Variants in CAMK2G observed in about 807,000 individuals in gnomAD.
CAMK2G encodes the protein calcium/calmodulin-dependent protein kinase type II subunit gamma.
CAMK2G carries 23 observed loss-of-function variants against 88.7 expected under a neutral mutation model. The observed-to-expected ratio is 0.26, with a 90% CI of 0.19 to 0.37. CAMK2G has a LOEUF of 0.37. Among genes scored for constraint, CAMK2G ranks in the 10% least tolerant of loss-of-function variants. CAMK2G has a pLI of 1.00. For synonymous variants in CAMK2G, 263 were observed against 294.8 expected (o/e 0.89, Z 1.11); for missense variants, 476 against 780.8 (o/e 0.61, Z 4.65).
At chr10:73,816,908 G>A (rs1251845411) in intron 21 of CAMK2G, 115 bp downstream of exon 21, 1 of 1,610,240 alleles carries the variant, frequency 6.2e-7, no homozygotes, top group South Asian at 1.1e-5. Context: ...TAGGAGTGCA[G>A]CACGAAGGTC....
intron 2 of CAMK2G, among the ~76,000 whole-genome samples, chr10:73,862,592 G>A (rs2095429995): frequency 6.6e-6 from 1 of 152,148 alleles, no homozygotes; most frequent in African/African-American, 2.4e-5. Context: ...TATTACCGAG[G>A]AAACAGGTTT....
At chr10:73,872,267 A>G (rs568480357) in intron 2 of CAMK2G, among the ~76,000 whole-genome samples, 4 of 152,168 alleles carry the variant, frequency 2.6e-5, no homozygotes, top group African/African-American at 9.6e-5. Context: ...AGGATCTCGC[A>G]AGTGAGGCCC....
At chr10:73,837,687 C>T (rs1317972939) in intron 13 of CAMK2G, among the ~76,000 whole-genome samples, 176 bp from the exon 14 acceptor site, 2 of 152,156 alleles carry the variant, frequency 1.3e-5, no homozygotes, top group Non-Finnish European at 2.9e-5. Context: ...TCTTGAGTGG[C>T]GTCAGAGCCC....
At chr10:73,868,430 C>T (rs1196366785) in intron 2 of CAMK2G, among the ~76,000 whole-genome samples, 1 of 152,182 alleles carries the variant, frequency 6.6e-6, no homozygotes, top group Non-Finnish European at 1.5e-5. Flanking sequence ...AACGTGACCG[C>T]GTGACAAAAG....
chr10:73,861,996 C>T (rs2095399360), intron 2 of CAMK2G, among the ~76,000 whole-genome samples: 1 of 152,134 alleles, frequency 6.6e-6, no homozygotes, highest in Non-Finnish European at 1.5e-5. Flanking sequence ...GTCCTCTTGG[C>T]CACCATGGCT....
chr10:73,820,492 A>ATATATAT (rs1554995765), intron 18 of CAMK2G, among the ~76,000 whole-genome samples: 38 of 51,064 alleles, frequency 7.4e-4, no homozygotes, highest in East Asian at 2.1e-3. Flanking sequence ...ATATATATAT[A>ATATATAT]TTTTTTTTTT....
At position 73,839,795 on chromosome 10, in the gene CAMK2G, G is replaced by A. The variant is rs1043350104; in HGVS notation, c.947-194C>T. The stretch of plus-strand genomic sequence containing the variant: ...AGCAGTCTGGGGGCCTGGGAAGACC[G>A]GGCTGGGCCAGGGCATAGGGAACAC... On this transcript the variant is annotated intron_variant, in intron 12 of 22. Coordinates refer to ENST00000423381, the MANE Select transcript of CAMK2G (RefSeq NM_001367534.1). This position sits in a 1 kb window ranked among gnomAD's most constrained non-coding sequence, Gnocchi z 4.2. Among the ~76,000 whole-genome samples, 2 of 152,186 alleles carry A rather than the reference G, an allele frequency of 1.3e-5. No homozygotes were observed. Among genetic ancestry groups the A allele is most frequent in the South Asian group, 2.1e-4 (1 of 4,834 alleles).
At chr10:73,850,358 C>T (rs115447897) in intron 5 of CAMK2G, among the ~76,000 whole-genome samples, 100 of 152,332 alleles carry the variant, frequency 6.6e-4, no homozygotes, top group African/African-American at 2.4e-3. Flanking sequence ...TGTCATCAAA[C>T]TCCTGACAGG....
intron 13 of CAMK2G, 67 bp from the exon 14 acceptor site, chr10:73,837,578 GC>G: frequency 7.8e-7 from 1 of 1,280,100 alleles, no homozygotes; most frequent in Non-Finnish European, 1.1e-6. Flanking sequence ...AAGTCCGGCA[GC>G]CAGATCCACA....
At chr10:73,820,492 A>ATATTTTTTTTT (rs1554995765) in intron 18 of CAMK2G, among the ~76,000 whole-genome samples, 3 of 51,058 alleles carry the variant, frequency 5.9e-5, no homozygotes, top group African/African-American at 1.8e-4. Context: ...ATATATATAT[A>ATATTTTTTTTT]TTTTTTTTTT....
At chr10:73,837,358 C>A in intron 14 of CAMK2G, 110 bp downstream of exon 14, 1 of 879,966 alleles carries the variant, frequency 1.1e-6, no homozygotes, top group Admixed American at 1.7e-5. Context: ...TTAAAGCAGA[C>A]TAGCAAGGAT....
At chr10:73,857,947 A>C (rs1335063573) in intron 3 of CAMK2G, among the ~76,000 whole-genome samples, 1 of 152,184 alleles carries the variant, frequency 6.6e-6, no homozygotes, top group Non-Finnish European at 1.5e-5. Flanking sequence ...GGGTGTTCCC[A>C]AATACCCGAG....
intron 18 of CAMK2G, among the ~76,000 whole-genome samples, chr10:73,820,490 ATATTTTTTTTT>A (rs1435172907): frequency 3.4e-4 from 18 of 53,152 alleles, no homozygotes; most frequent in African/African-American, 2.3e-3. Context: ...ATATATATAT[ATATTTTTTTTT>A]TTTTTTTTTT....
In CAMK2G at chr10:73,817,563, G is replaced by A. The variant is rs778753397; in HGVS notation, c.1364-9C>T. 1.2e-6 allele frequency: 2 copies of A among 1,604,272 alleles called. No homozygotes were observed. Among genetic ancestry groups the A allele is most frequent in the Non-Finnish European group, 1.7e-6 (2 of 1,171,200 alleles). On this transcript the variant is annotated splice_polypyrimidine_tract_variant and intron_variant, in intron 19 of 22. Transcript: ENST00000423381. Reference sequence around the variant, plus strand: ...GATCTCCTGTTTTCGCACTGTGGGGGAGAAAAATCCATCAATTTACCTACT... The same window carrying A: ...GATCTCCTGTTTTCGCACTGTGGGGAAGAAAAATCCATCAATTTACCTACT...
intron 18 of CAMK2G, 113 bp downstream of exon 18, chr10:73,821,569 G>A: frequency 1.3e-6 from 1 of 792,386 alleles, no homozygotes; most frequent in Non-Finnish European, 2.2e-6. Flanking sequence ...CTCTCCTAGG[G>A]GCATAGGAGC....
chr10:73,863,392 C>T (rs1022295241), intron 2 of CAMK2G, among the ~76,000 whole-genome samples: 4 of 152,238 alleles, frequency 2.6e-5, no homozygotes, highest in African/African-American at 7.2e-5. Context: ...ACAGCCTTGC[C>T]TGGTGGCTGG....
chr10:73,821,786 G>T, intron 17 of CAMK2G, 56 bp from the exon 18 acceptor site: 1 of 1,426,368 alleles, frequency 7.0e-7, no homozygotes, highest in Non-Finnish European at 9.8e-7. Context: ...AGCCAGAGGA[G>T]CAAAGCAGAA....
intron 18 of CAMK2G, among the ~76,000 whole-genome samples, chr10:73,819,895 T>C (rs1334060551): frequency 1.3e-5 from 2 of 152,156 alleles, no homozygotes; most frequent in Non-Finnish European, 2.9e-5. Context: ...CAGACGAGCC[T>C]TACAACAGCC....
At chr10:73,821,567 G>A (rs960153222) in intron 18 of CAMK2G, 115 bp downstream of exon 18, 56 of 778,882 alleles carry the variant, frequency 7.2e-5, no homozygotes, top group Non-Finnish European at 1.2e-4. Context: ...CCCTCTCCTA[G>A]GGGCATAGGA....
Sources: gnomAD v4.1 joint callset for allele counts (sites outside exome capture counted in the v4.1 genomes callset) on GRCh38, gnomAD v4.1.1 for gene constraint, Gnocchi (gnomAD v3.1) non-coding constraint, MANE v1.5 for transcripts, NCBI Gene and HGNC (gene_info 2026-07-23, HGNC 2026-07-21) for gene names.